Variants in RNF216 observed in about 807,000 individuals in gnomAD.
The protein encoded by RNF216 is ring finger protein 216.
A neutral mutation model predicts 110.8 loss-of-function variants in RNF216; 72 were observed. The ratio of observed to expected loss-of-function variants is 0.65; its 90% confidence interval spans 0.54 to 0.79. The LOEUF is 0.79. RNF216 is among the 30% of genes least tolerant of loss of function. The pLI, the probability that RNF216 is intolerant of heterozygous loss-of-function variation, is 0.00. For synonymous variants in RNF216, 495 were observed against 407.5 expected (o/e 1.21, Z -2.59); for missense variants, 1,342 against 1,141.2 (o/e 1.18, Z -2.54).
At chr7:5,674,614 ACT>A (rs950351274) in intron 13 of RNF216, among the ~76,000 whole-genome samples, 4 of 151,742 alleles carry the variant, frequency 2.6e-5, no homozygotes, top group African/African-American at 7.3e-5. Context: ...GGCAACAGAG[ACT>A]CTGTTTCAAA....
intron 15 of RNF216, among the ~76,000 whole-genome samples, chr7:5,629,132 T>C (rs1003168440): frequency 6.6e-6 from 1 of 150,786 alleles, no homozygotes; most frequent in African/African-American, 2.5e-5. Flanking sequence ...CAGGTGGAGA[T>C]TGCAATGAGC....
chr7:5,761,539 G>C (rs1795933858), intron 1 of RNF216, among the ~76,000 whole-genome samples: 1 of 152,212 alleles, frequency 6.6e-6, no homozygotes, highest in Non-Finnish European at 1.5e-5. Context: ...TACAATCCCA[G>C]CACTTTGGGA....
intron 13 of RNF216, among the ~76,000 whole-genome samples, chr7:5,690,230 G>A (rs1394312964): frequency 1.3e-5 from 2 of 151,598 alleles, no homozygotes; most frequent in Non-Finnish European, 2.9e-5. Flanking sequence ...GGGAGGCTGA[G>A]GCAGGAGAAT....
intron 13 of RNF216, among the ~76,000 whole-genome samples, chr7:5,709,924 T>G (rs1792558346): frequency 6.6e-6 from 1 of 152,140 alleles, no homozygotes; most frequent in Admixed American, 6.5e-5. Context: ...CTAGCTGAGT[T>G]TTAAAATTTT....
At chr7:5,703,632 G>A (rs991385530) in intron 13 of RNF216, among the ~76,000 whole-genome samples, 1 of 152,222 alleles carries the variant, frequency 6.6e-6, no homozygotes, top group South Asian at 2.1e-4. Context: ...AAAGCTGGCA[G>A]GTGAGAAAAG....
chr7:5,720,031 G>C lies in RNF216; in HGVS notation c.1644+1002C>G, dbSNP rs150142187. ...AGACATTTTCAGGTGAAACTGGTGT[G>C]TCTTAAAAATGTAAGTGCATGGTGG... is the stretch of plus-strand genomic sequence containing the variant. On this transcript the variant is annotated intron_variant, in intron 9 of 16. Coordinates refer to ENST00000389902, the MANE Select transcript of RNF216 (RefSeq NM_207111.4). Among the ~76,000 whole-genome samples, 598 of 152,322 alleles carry C rather than the reference G, an allele frequency of 3.9e-3. 3 individuals carry two copies. The highest frequency in any genetic ancestry group is 0.014 in the African/African-American group (562 of 41,574).
At chr7:5,643,639 C>T (rs903532752) in intron 14 of RNF216, among the ~76,000 whole-genome samples, 4 of 152,106 alleles carry the variant, frequency 2.6e-5, no homozygotes, top group Admixed American at 1.3e-4. Context: ...CCTTTGTGAG[C>T]GTGAAGATGC....
chr7:5,701,139 C>T (rs1414605298), intron 13 of RNF216, among the ~76,000 whole-genome samples: 1 of 152,192 alleles, frequency 6.6e-6, no homozygotes, highest in East Asian at 1.9e-4. Context: ...TGGCTCTCCC[C>T]AGGTTGCACA....
chr7:5,683,515 G>A (rs1201611767), intron 13 of RNF216, among the ~76,000 whole-genome samples: 1 of 152,114 alleles, frequency 6.6e-6, no homozygotes, highest in Non-Finnish European at 1.5e-5. Flanking sequence ...AAGGCCACAG[G>A]CACATAGCAT....
At chr7:5,629,196 A>C (rs934728755) in intron 15 of RNF216, among the ~76,000 whole-genome samples, 1 of 103,876 alleles carries the variant, frequency 9.6e-6, no homozygotes, top group African/African-American at 6.9e-5. Flanking sequence ...CTCTGTCTCA[A>C]AAAAAAAAAA....
At chr7:5,713,587 A>G (rs1312399455) in intron 11 of RNF216, 1 of 152,238 alleles carries the variant, frequency 6.6e-6, no homozygotes, top group East Asian at 1.9e-4. Context: ...GGTTCATAAT[A>G]TAAAAGCTAA....
At chr7:5,750,241 C>G (rs544330453) in intron 3 of RNF216, among the ~76,000 whole-genome samples, 15 of 152,296 alleles carry the variant, frequency 9.8e-5, no homozygotes, top group African/African-American at 3.6e-4. Context: ...TCTGTCTCTT[C>G]CTGGCAGGCT....
intron 2 of RNF216, among the ~76,000 whole-genome samples, chr7:5,755,325 A>T (rs1040835895): frequency 6.6e-6 from 1 of 152,178 alleles, no homozygotes; most frequent in Non-Finnish European, 1.5e-5. Context: ...AACACACCAC[A>T]TGTAAGGTTC....
intron 13 of RNF216, among the ~76,000 whole-genome samples, chr7:5,689,062 C>G (rs1791162674): frequency 1.3e-5 from 2 of 152,124 alleles, no homozygotes; most frequent in South Asian, 4.1e-4. Context: ...AAAGAACAGG[C>G]TGCCGATTCT....
chr7:5,721,957 C>A (rs1207407247), intron 8 of RNF216, among the ~76,000 whole-genome samples: 1 of 152,240 alleles, frequency 6.6e-6, no homozygotes. Flanking sequence ...GAGCCTTGCT[C>A]TGCTGCTCAC....
At chr7:5,674,678 A>C (rs1188055583) in intron 13 of RNF216, among the ~76,000 whole-genome samples, 1 of 151,602 alleles carries the variant, frequency 6.6e-6, no homozygotes, top group African/African-American at 2.4e-5. Flanking sequence ...TCCTGGGGAG[A>C]CTAGTCCAAA....
At position 5,624,072 on chromosome 7, in the gene RNF216, C is replaced by T. The variant is rs1410295491; in HGVS notation, c.2436G>A (p.Gln812=). 8 of 1,613,762 alleles carry T rather than the reference C, an allele frequency of 5.0e-6. No homozygotes were observed. In the South Asian group the frequency reaches 8.8e-5, roughly 18 times the overall value. The change falls in exon 16 of 17, where the codon CAG becomes CAA. Residue 812 remains glutamine, a synonymous_variant. Transcript: ENST00000389902. This position sits in a 1 kb window ranked among gnomAD's most constrained non-coding sequence, Gnocchi z 4.4. ...GGCACTTGCCTCCATTCTTTCTTTT[C>T]TGTTCCTCTTCAGCCTCCTTCTGGA... ...EEIQKEAEEE[Q]KRKNGENTFK...
chr7:5,687,283 C>T lies in RNF216; in HGVS notation c.2061+24478G>A, dbSNP rs138611004. 2.6e-3 allele frequency among the ~76,000 whole-genome samples: 393 copies of T among 150,530 alleles called. 2 individuals carry two copies. Among genetic ancestry groups the T allele is most frequent in the Non-Finnish European group, 2.9e-3 (197 of 67,826 alleles). On this transcript the variant is annotated intron_variant, in intron 13 of 16. Transcript: ENST00000389902. Reference sequence around the variant, plus strand: ...TGGTGGCGGGCGCCTGTAATCTCAGCTACTTGGGAGGCTGAGGAGGGAGAA... The same window carrying T: ...TGGTGGCGGGCGCCTGTAATCTCAGTTACTTGGGAGGCTGAGGAGGGAGAA...
intron 10 of RNF216, 42 bp downstream of exon 10, chr7:5,716,674 C>A: frequency 2.7e-6 from 4 of 1,485,030 alleles, no homozygotes; most frequent in Non-Finnish European, 2.8e-6. Context: ...GAAAACAGCC[C>A]ATGAAAATGC....
Sources: gnomAD v4.1 joint callset for allele counts (sites outside exome capture counted in the v4.1 genomes callset) on GRCh38, gnomAD v4.1.1 for gene constraint, Gnocchi (gnomAD v3.1) non-coding constraint, MANE v1.5 for transcripts, NCBI Gene and HGNC (gene_info 2026-07-23, HGNC 2026-07-21) for gene names.